The following FGF10 variants were observed in gnomAD, a reference collection of about 807,000 sequenced individuals.
FGF10 encodes fibroblast growth factor 10, also known as FGF-10.
In FGF10, 2 loss-of-function variants were observed where a neutral mutation model predicts 19.8. That is an observed-to-expected ratio of 0.10 (90% CI 0.04 to 0.32). The LOEUF (loss-of-function observed/expected upper bound fraction) is 0.32. FGF10 is among the 10% of genes least tolerant of loss of function. The pLI is 1.00. For synonymous variants in FGF10, 112 were observed against 94.0 expected (o/e 1.19, Z -1.10); for missense variants, 191 against 246.3 (o/e 0.78, Z 1.50).
At chr5:44,317,128 T>C (rs1204291792) in intron 1 of FGF10, among the ~76,000 whole-genome samples, 1 of 152,166 alleles carries the variant, frequency 6.6e-6, no homozygotes, top group Non-Finnish European at 1.5e-5. Flanking sequence ...TAATCAGTAA[T>C]CTATGTCTAG....
At chr5:44,373,903 A>G (rs1466168012) in intron 1 of FGF10, among the ~76,000 whole-genome samples, 1 of 152,148 alleles carries the variant, frequency 6.6e-6, no homozygotes, top group African/African-American at 2.4e-5. Context: ...TCACATTTTT[A>G]GGTTGAGTTA....
chr5:44,369,962 T>G (rs1355714872), intron 1 of FGF10, among the ~76,000 whole-genome samples: 1 of 152,100 alleles, frequency 6.6e-6, no homozygotes, highest in African/African-American at 2.4e-5. Context: ...TTACTCTTAA[T>G]TTTATTGTTT....
intron 1 of FGF10, among the ~76,000 whole-genome samples, chr5:44,362,710 T>G (rs1741520267): frequency 6.6e-6 from 1 of 151,700 alleles, no homozygotes; most frequent in Admixed American, 6.6e-5. Flanking sequence ...CTACTCAAAA[T>G]GTCCCTAATG....
At position 44,389,001 on chromosome 5, in the gene FGF10, A is replaced by G. The variant is rs957171715; in HGVS notation, c.-319T>C. On this transcript the variant is annotated 5_prime_UTR_variant, in exon 1 of 3. Transcript: ENST00000264664. ...CACCAGCGCTCTTCGCTCCCCCAGGAGTTACTTTGTTCTCTTCTTTACTCC... is the reference window on the plus strand; with the variant it reads ...CACCAGCGCTCTTCGCTCCCCCAGGGGTTACTTTGTTCTCTTCTTTACTCC... 12 of 491,944 alleles carry G rather than the reference A, an allele frequency of 2.4e-5. No individual in the cohort carries two copies. Among genetic ancestry groups the G allele is most frequent in the African/African-American group, 2.1e-4 (11 of 51,496 alleles). 30.5% of individuals were successfully genotyped at this position (491,944 alleles called of 1,614,324 possible). A position where few individuals can be genotyped will look rare whatever the true frequency, so the allele number is the denominator to read the frequency against.
intron 1 of FGF10, among the ~76,000 whole-genome samples, chr5:44,380,742 T>A (rs527936780): frequency 6.6e-6 from 1 of 152,226 alleles, no homozygotes; most frequent in African/African-American, 2.4e-5. Context: ...GCCCTTTGGG[T>A]GGCCGAGGCT....
intron 1 of FGF10, among the ~76,000 whole-genome samples, chr5:44,349,722 T>C (rs1450145550): frequency 1.3e-5 from 2 of 150,602 alleles, no homozygotes; most frequent in South Asian, 2.1e-4. Flanking sequence ...ATCAATAACT[T>C]AAAAATTTTG....
chr5:44,354,048 T>A (rs142404091), intron 1 of FGF10, among the ~76,000 whole-genome samples: 11 of 151,620 alleles, frequency 7.3e-5, no homozygotes, highest in African/African-American at 2.7e-4. Flanking sequence ...TAACTCTCTC[T>A]GGAGTTCTTA....
At chr5:44,375,157 C>T (rs529517018) in intron 1 of FGF10, among the ~76,000 whole-genome samples, 2 of 152,194 alleles carry the variant, frequency 1.3e-5, no homozygotes, top group South Asian at 4.2e-4. Flanking sequence ...AGAAAGAGGA[C>T]TTATTATATG....
At chr5:44,314,071 G>T (rs1023111325) in intron 1 of FGF10, among the ~76,000 whole-genome samples, 5 of 152,068 alleles carry the variant, frequency 3.3e-5, no homozygotes, top group Non-Finnish European at 1.5e-5. Context: ...AATTATTGTT[G>T]GAGATGAGAC....
At chr5:44,380,261 T>G (rs1741955869) in intron 1 of FGF10, among the ~76,000 whole-genome samples, 2 of 152,206 alleles carry the variant, frequency 1.3e-5, no homozygotes, top group South Asian at 4.1e-4. Flanking sequence ...GAAACAATTG[T>G]AAAAACAAGC....
intron 1 of FGF10, among the ~76,000 whole-genome samples, chr5:44,325,382 T>C (rs1334267303): frequency 6.6e-6 from 1 of 152,022 alleles, no homozygotes; most frequent in Non-Finnish European, 1.5e-5. Flanking sequence ...ATCCCATTAC[T>C]GGGTATATAC....
rs2111943940 is a variant in FGF10, at chr5:44,389,398, T to G, written c.-716A>C. On this transcript the variant is annotated 5_prime_UTR_variant, in exon 1 of 3. Coordinates refer to ENST00000264664, the MANE Select transcript of FGF10 (RefSeq NM_004465.2). ...TTTGGAAAGTCCGCTTGTAAACAGG[T>G]TGAAGCCTGGAGTCTAAATGTCAGT... is the stretch of plus-strand genomic sequence containing the variant. The G allele has an allele frequency of 6.5e-6, 1 of 153,982 alleles. No individual in the cohort carries two copies. Among genetic ancestry groups the G allele is most frequent in the South Asian group, 2.0e-4 (1 of 4,904 alleles). The allele number at this position is 153,982 out of a possible 1,614,324, so 9.5% of individuals were successfully genotyped here.
chr5:44,334,483 C>T (rs17234282), intron 1 of FGF10, among the ~76,000 whole-genome samples: 3,583 of 152,050 alleles, frequency 0.024, 145 homozygotes, highest in African/African-American at 0.083. Context: ...GGTTACTTCC[C>T]ACAGGGAAAT....
At chr5:44,326,598 G>C (rs990754292) in intron 1 of FGF10, among the ~76,000 whole-genome samples, 9 of 151,236 alleles carry the variant, frequency 6.0e-5, no homozygotes, top group African/African-American at 2.2e-4. Flanking sequence ...TGTAGAGACA[G>C]AGGTCTCACT....
At chr5:44,349,448 A>G (rs1411747407) in intron 1 of FGF10, among the ~76,000 whole-genome samples, 1 of 11,892 alleles carries the variant, frequency 8.4e-5, no homozygotes, top group Admixed American at 7.3e-4. Flanking sequence ...ATATATATAT[A>G]TATATATATA....
At chr5:44,382,557 G>A (rs1742007697) in intron 1 of FGF10, among the ~76,000 whole-genome samples, 1 of 152,076 alleles carries the variant, frequency 6.6e-6, no homozygotes, top group Admixed American at 6.6e-5. Flanking sequence ...ACAGATAAAG[G>A]TAACATGCAC....
chr5:44,338,157 T>G (rs2111779769), intron 1 of FGF10, among the ~76,000 whole-genome samples: 1 of 152,304 alleles, frequency 6.6e-6, no homozygotes, highest in East Asian at 1.9e-4. Context: ...TGATATTTTA[T>G]GCTCACAATT....
At position 44,302,275 on chromosome 5, in the gene FGF10, T is replaced by TTCC; in HGVS notation, c.*2719_*2720insGGA. 1.5e-5 allele frequency among the ~76,000 whole-genome samples: 2 copies of TTCC among 136,460 alleles called. 1 individual carries two copies. The highest frequency in any genetic ancestry group is 5.0e-4 in the South Asian group (2 of 3,986). The allele number at this position is 136,460 out of a possible 152,430, so 89.5% of individuals were successfully genotyped here. ...CCTCCCTTCTTTCCTTCCTTCCTTC[T>TTCC]TTCCTTGCTTCCTTCCTTCCTTCCT... is the stretch of plus-strand genomic sequence containing the variant. On this transcript the variant is annotated 3_prime_UTR_variant, in exon 3 of 3. Transcript: ENST00000264664.
intron 1 of FGF10, among the ~76,000 whole-genome samples, chr5:44,331,108 G>T (rs1205789611): frequency 2.6e-5 from 4 of 152,024 alleles, no homozygotes; most frequent in Non-Finnish European, 5.9e-5. Flanking sequence ...GCTTTTCTGT[G>T]GTTTGAAGAC....
Sources: allele counts gnomAD v4.1 joint callset (sites outside exome capture counted in the v4.1 genomes callset), GRCh38; gene constraint gnomAD v4.1.1; transcripts MANE v1.5; gene names NCBI Gene and HGNC (gene_info 2026-07-23, HGNC 2026-07-21).